The following ANO2 variants were observed in gnomAD, a reference collection of about 807,000 sequenced individuals.
ANO2 encodes the protein anoctamin-2.
ANO2 carries 101 observed loss-of-function variants against 124.2 expected under a neutral mutation model. The observed-to-expected ratio is 0.81, with a 90% CI of 0.69 to 0.96. The LOEUF is 0.96. Among genes scored for constraint, ANO2 ranks in the 40% least tolerant of loss-of-function variants. ANO2 has a pLI of 0.00. For missense variants in ANO2, 1,293 were observed against 1,274.5 expected, an observed-to-expected ratio of 1.01 and a Z score of -0.22; for synonymous variants, 486 against 482.5, an observed-to-expected ratio of 1.01 and a Z score of -0.09.
chr12:5,692,338 A>T (rs963789599), intron 14 of ANO2, among the ~76,000 whole-genome samples: 1 of 152,144 alleles, frequency 6.6e-6, no homozygotes, highest in Non-Finnish European at 1.5e-5. Context: ...TTTATGTAAG[A>T]TATTCAAGGA....
At chr12:5,863,366 T>C (rs142730940) in intron 3 of ANO2, among the ~76,000 whole-genome samples, 125 of 152,168 alleles carry the variant, frequency 8.2e-4, no homozygotes, top group African/African-American at 2.7e-3. Flanking sequence ...GTGGAAGAAA[T>C]AGGGAATAAT....
chr12:5,776,621 T>G (rs1952239679), intron 10 of ANO2, among the ~76,000 whole-genome samples: 1 of 152,216 alleles, frequency 6.6e-6, no homozygotes, highest in Non-Finnish European at 1.5e-5. Context: ...ACGGTACCAG[T>G]TTCTGTCACC....
intron 14 of ANO2, among the ~76,000 whole-genome samples, chr12:5,730,702 A>AC (rs1284576284): frequency 1.3e-5 from 2 of 152,168 alleles, no homozygotes; most frequent in East Asian, 3.9e-4. Flanking sequence ...TTTATCTCCC[A>AC]CCTATGGCTG....
At chr12:5,811,917 C>T (rs1246858088) in intron 7 of ANO2, among the ~76,000 whole-genome samples, 1 of 152,124 alleles carries the variant, frequency 6.6e-6, no homozygotes, top group African/African-American at 2.4e-5. Context: ...AGTTGTTTCT[C>T]TTGAGGTTAT....
chr12:5,816,264 T>G (rs375350684), intron 7 of ANO2, among the ~76,000 whole-genome samples: 2 of 152,016 alleles, frequency 1.3e-5, no homozygotes, highest in African/African-American at 4.8e-5. Context: ...AAATCTAAAT[T>G]TACCCTGTGG....
chr12:5,583,492 A>C (rs2136852699), intron 20 of ANO2, among the ~76,000 whole-genome samples: 1 of 151,588 alleles, frequency 6.6e-6, no homozygotes, highest in Middle Eastern at 3.4e-3. Context: ...TCTCTACTAA[A>C]AATACAAAAA....
At chr12:5,667,044 G>A (rs1345586663) in intron 14 of ANO2, among the ~76,000 whole-genome samples, 1 of 152,178 alleles carries the variant, frequency 6.6e-6, no homozygotes, top group Non-Finnish European at 1.5e-5. Flanking sequence ...ACTGTCACAT[G>A]CCGATGCTGA....
chr12:5,851,914 TG>T, intron 4 of ANO2: 1 of 736,466 alleles, frequency 1.4e-6, no homozygotes, highest in Non-Finnish European at 2.5e-6. Flanking sequence ...AGGGTTACCC[TG>T]GGGGATGGAA....
At chr12:5,601,495 G>A (rs1943937374) in intron 19 of ANO2, among the ~76,000 whole-genome samples, 1 of 152,114 alleles carries the variant, frequency 6.6e-6, no homozygotes, top group East Asian at 1.9e-4. Context: ...TATGTGAGCT[G>A]GTTGTGATCC....
intron 14 of ANO2, among the ~76,000 whole-genome samples, chr12:5,690,315 G>C (rs1361428418): frequency 1.3e-5 from 2 of 152,062 alleles, no homozygotes; most frequent in Non-Finnish European, 2.9e-5. Flanking sequence ...TCTCACTCTG[G>C]ATTCCCCTGA....
At chr12:5,824,717 A>G (rs1041701891) in intron 7 of ANO2, among the ~76,000 whole-genome samples, 14 of 152,004 alleles carry the variant, frequency 9.2e-5, no homozygotes, top group African/African-American at 2.9e-4. Context: ...GCCCCACTCT[A>G]TTGGTACCAA....
intron 14 of ANO2, among the ~76,000 whole-genome samples, chr12:5,652,828 A>AT (rs1317159274): frequency 2.0e-5 from 3 of 152,084 alleles, no homozygotes; most frequent in African/African-American, 7.2e-5. Flanking sequence ...GGTGGAGATC[A>AT]TATCTGTCAG....
chr12:5,782,104 C>A (rs1952417470), intron 10 of ANO2, among the ~76,000 whole-genome samples: 1 of 152,126 alleles, frequency 6.6e-6, no homozygotes, highest in South Asian at 2.1e-4. Flanking sequence ...ACTACTGCTC[C>A]ATCTATTTTG....
chr12:5,696,802 T>G (rs1389115419), intron 14 of ANO2, among the ~76,000 whole-genome samples: 1 of 152,210 alleles, frequency 6.6e-6, no homozygotes, highest in African/African-American at 2.4e-5. Context: ...CAGGAGTACA[T>G]GAAGAGTTTA....
rs201586577 is a variant in ANO2, at chr12:5,922,607, G to T, written c.207+13C>A. The T allele has an allele frequency of 9.6e-6, 8 of 837,578 alleles. No individual in the cohort carries two copies. Among genetic ancestry groups the T allele is most frequent in the African/African-American group, 2.0e-5 (1 of 48,890 alleles). The allele number at this position is 837,578 out of a possible 1,614,324, so 51.9% of individuals were successfully genotyped here. A position where few individuals can be genotyped will look rare whatever the true frequency, so the allele number is the denominator to read the frequency against. ...TGGCCTATCCCCCCACCCCACCCCC[G>T]CCCAGTACTCACAGAGCTGCTGCGG... On this transcript the variant is annotated intron_variant, in intron 2 of 24. Transcript: ENST00000682330.
intron 14 of ANO2, among the ~76,000 whole-genome samples, chr12:5,728,031 C>T (rs1358154320): frequency 1.3e-5 from 2 of 152,124 alleles, no homozygotes; most frequent in African/African-American, 4.8e-5. Flanking sequence ...TGGTCTCCAT[C>T]TCTTGACCTC....
intron 3 of ANO2, among the ~76,000 whole-genome samples, chr12:5,867,778 GAAAAAAAA>G (rs10622876): frequency 2.5e-5 from 2 of 78,544 alleles, no homozygotes; most frequent in South Asian, 6.1e-4. Context: ...GCACTATAAT[GAAAAAAAA>G]AAAAAAAAAA....
chr12:5,738,449 G>A (rs538193772), intron 13 of ANO2, among the ~76,000 whole-genome samples: 37 of 150,666 alleles, frequency 2.5e-4, no homozygotes, highest in African/African-American at 7.8e-4. Flanking sequence ...CCTTCTAGAC[G>A]GCCCTCAGCC....
chr12:5,835,782 A>T (rs1046185679), intron 4 of ANO2, among the ~76,000 whole-genome samples: 1 of 152,104 alleles, frequency 6.6e-6, no homozygotes, highest in African/African-American at 2.4e-5. Context: ...TTTCTACCAA[A>T]CCTCTCCTTC....
Sources: allele counts gnomAD v4.1 joint callset (sites outside exome capture counted in the v4.1 genomes callset), GRCh38; gene constraint gnomAD v4.1.1; transcripts MANE v1.5; gene names NCBI Gene and HGNC (gene_info 2026-07-23, HGNC 2026-07-21).